The following OSBPL9 variants were observed in gnomAD, a reference collection of about 807,000 sequenced individuals.
OSBPL9 encodes oxysterol binding protein like 9, also known as oxysterol-binding protein-related protein 9.
In OSBPL9, 40 loss-of-function variants were observed where a neutral mutation model predicts 106.6. The observed-to-expected ratio is 0.38, with a 90% CI of 0.29 to 0.49. The LOEUF (loss-of-function observed/expected upper bound fraction) is 0.49, where lower values mean the gene tolerates loss of function less well. OSBPL9 is among the 20% of genes least tolerant of loss of function. The pLI is 0.97. For missense variants in OSBPL9, 609 were observed against 887.2 expected, an observed-to-expected ratio of 0.69 and a Z score of 3.98; for synonymous variants, 269 against 295.4, an observed-to-expected ratio of 0.91 and a Z score of 0.92.
intron 2 of OSBPL9, among the ~76,000 whole-genome samples, chr1:51,600,455 A>T (rs1645321123): frequency 6.6e-6 from 1 of 152,198 alleles, no homozygotes; most frequent in Non-Finnish European, 1.5e-5. Flanking sequence ...AGATATATTT[A>T]TGACTGCATC....
chr1:51,629,688 C>A (rs1570646550), intron 1 of OSBPL9, among the ~76,000 whole-genome samples: 1 of 152,120 alleles, frequency 6.6e-6, no homozygotes, highest in South Asian at 2.1e-4. Context: ...GTGGCTCATG[C>A]CTGTAATCCC....
chr1:51,602,651 G>T (rs1323793925), intron 2 of OSBPL9, among the ~76,000 whole-genome samples: 2 of 151,584 alleles, frequency 1.3e-5, no homozygotes, highest in African/African-American at 4.8e-5. Context: ...TCACTATATT[G>T]CCCTAGTTGG....
At chr1:51,669,557 T>G in intron 3 of OSBPL9, 45 bp downstream of exon 3, 3 of 1,574,240 alleles carry the variant, frequency 1.9e-6, no homozygotes, top group Non-Finnish European at 2.6e-6. Flanking sequence ...TCCCATCTGC[T>G]TCTTTTCTTC....
At chr1:51,588,107 G>C (rs990477534) in intron 1 of OSBPL9, among the ~76,000 whole-genome samples, 1 of 152,212 alleles carries the variant, frequency 6.6e-6, no homozygotes, top group Admixed American at 6.5e-5. Context: ...ATTCGGCCAA[G>C]CATGGTGGCT....
At chr1:51,542,144 C>T in the OSBPL9 span, among the ~76,000 whole-genome samples, 6 of 152,226 alleles carry the variant, frequency 3.9e-5, no homozygotes, top group African/African-American at 1.4e-4. Flanking sequence ...CCACCCTGGC[C>T]TCCCAAAGTG....
At chr1:51,610,912 T>C (rs1643982942) in intron 2 of OSBPL9, among the ~76,000 whole-genome samples, 1 of 152,170 alleles carries the variant, frequency 6.6e-6, no homozygotes, top group South Asian at 2.1e-4. Flanking sequence ...AGGCACTCAA[T>C]GAGTAGATGC....
In OSBPL9 at chr1:51,669,453, A is replaced by G. The variant is rs1219866678; in HGVS notation, c.182A>G (p.Asp61Gly). 2.5e-6 allele frequency: 4 copies of G among 1,614,054 alleles called. No individual in the cohort carries two copies. The highest frequency in any genetic ancestry group is 2.5e-6 in the Non-Finnish European group (3 of 1,179,978). The change falls in exon 3 of 24, where the codon GAC becomes GGC. Residue 61 changes from aspartate (D) to glycine (G), a missense_variant. Around this residue, in one of 5 missense-constraint regions of OSBPL9, gnomAD observed 72 missense variants for 140.5 expected, o/e 0.51. Coordinates refer to ENST00000428468, the MANE Select transcript of OSBPL9 (RefSeq NM_024586.6). ...VRLRGAVIGIDDEDDSTFTIT... is the reference protein window; with the variant it reads ...VRLRGAVIGIGDEDDSTFTIT... ...TCACAGGGAGCTGTGATTGGTATAG[A>G]CGATGAGGACGACAGCACCTTCACA...
chr1:51,732,774 G>T (rs182003938), intron 4 of OSBPL9, among the ~76,000 whole-genome samples: 2 of 152,280 alleles, frequency 1.3e-5, no homozygotes, highest in Admixed American at 6.5e-5. Context: ...ATGGGTTGCC[G>T]CTCTTATAGT....
chr1:51,525,151 A>T, the OSBPL9 span, among the ~76,000 whole-genome samples: 1 of 152,228 alleles, frequency 6.6e-6, no homozygotes, highest in Non-Finnish European at 1.5e-5. Context: ...TAACAAGAGC[A>T]TGGGCTTCAG....
the OSBPL9 span, among the ~76,000 whole-genome samples, chr1:51,520,423 A>C: frequency 6.6e-6 from 1 of 152,166 alleles, no homozygotes; most frequent in African/African-American, 2.4e-5. Context: ...AGTTGTTCTG[A>C]TGTGACCGTT....
chr1:51,756,756 G>T, intron 9 of OSBPL9: 1 of 165,526 alleles, frequency 6.0e-6, no homozygotes, highest in Non-Finnish European at 1.3e-5. Context: ...TATATTTATA[G>T]GTTCCTATTA....
rs575850203 is a variant in OSBPL9 at position 51,758,225 on chromosome 1, A to G, written c.582+1867A>G. ...AATTGGCTTTTATTCAAGATGCATG[A>G]ATCGGATCAGCCTCCATTCTACAAA... On this transcript the variant is annotated intron_variant, in intron 9 of 23. Coordinates refer to ENST00000428468, the MANE Select transcript of OSBPL9 (RefSeq NM_024586.6). Among the ~76,000 whole-genome samples the G allele has an allele frequency of 2.6e-5, 4 of 152,292 alleles. No individual in the cohort carries two copies. In the South Asian group the frequency reaches 8.3e-4, roughly 32 times the overall value.
At chr1:51,730,122 G>T (rs1664047013) in intron 4 of OSBPL9, 2 of 1,248,274 alleles carry the variant, frequency 1.6e-6, no homozygotes, top group South Asian at 4.1e-5. Context: ...GCCGCCCCCT[G>T]GGGTGAGTAG....
intron 1 of OSBPL9, among the ~76,000 whole-genome samples, chr1:51,592,735 T>G (rs1645283142): frequency 6.6e-6 from 1 of 152,204 alleles, no homozygotes; most frequent in South Asian, 2.1e-4. Flanking sequence ...GCCTGGGGCT[T>G]GAAGCCTCTC....
chr1:51,627,071 C>T (rs1296873687), intron 1 of OSBPL9, among the ~76,000 whole-genome samples: 1 of 152,130 alleles, frequency 6.6e-6, no homozygotes, highest in Non-Finnish European at 1.5e-5. Flanking sequence ...GTGGCACAAT[C>T]ATAGCTTATA....
intron 1 of OSBPL9, among the ~76,000 whole-genome samples, chr1:51,647,080 C>G (rs1258333684): frequency 2.0e-5 from 3 of 152,134 alleles, no homozygotes; most frequent in Non-Finnish European, 4.4e-5. Context: ...CCCTTATTAA[C>G]TCAAAGAAGT....
chr1:51,569,852 C>T, the OSBPL9 span: 2 of 152,178 alleles, frequency 1.3e-5, no homozygotes, highest in Non-Finnish European at 2.9e-5. Flanking sequence ...TCTTCCATAC[C>T]TGTGCTGAAA....
At chr1:51,718,619 T>TA (rs1661505078) in intron 4 of OSBPL9, among the ~76,000 whole-genome samples, 1 of 152,188 alleles carries the variant, frequency 6.6e-6, no homozygotes, top group South Asian at 2.1e-4. Context: ...CTAGAACTGT[T>TA]AGAGGTCACA....
the OSBPL9 span, among the ~76,000 whole-genome samples, chr1:51,534,280 A>G: frequency 6.6e-6 from 1 of 151,634 alleles, no homozygotes; most frequent in Non-Finnish European, 1.5e-5. Context: ...CAGTCTAGTA[A>G]TTTTATTCTC....
Sources: allele counts gnomAD v4.1 joint callset (sites outside exome capture counted in the v4.1 genomes callset), GRCh38; gene constraint gnomAD v4.1.1; regional missense constraint gnomAD v4.1.1; transcripts MANE v1.5; gene names NCBI Gene and HGNC (gene_info 2026-07-23, HGNC 2026-07-21).